MAOA: variants seen among roughly 807,000 people sequenced by gnomAD.
The protein encoded by MAOA is monoamine oxidase A.
A neutral mutation model predicts 42.0 loss-of-function variants in MAOA; 6 were observed. The ratio of observed to expected loss-of-function variants is 0.14; its 90% confidence interval spans 0.08 to 0.28. The LOEUF is 0.28. MAOA is among the 10% of genes least tolerant of loss of function. MAOA has a pLI of 1.00. For missense variants in MAOA, 262 were observed against 422.3 expected (o/e 0.62, Z 3.33); for synonymous variants, 140 against 154.0 (o/e 0.91, Z 0.67).
intron 1 of MAOA, among the ~76,000 whole-genome samples, chrX:43,665,955 G>GTGCTAGCAGTATTTAGAATC (rs2033273997): frequency 8.9e-6 from 1 of 112,246 alleles, no homozygotes; most frequent in Non-Finnish European, 1.9e-5. Context: ...ATCAGAGAAT[G>GTGCTAGCAGTATTTAGAATC]TGCTAGCAGT....
At chrX:43,701,925 T>C (rs777674123) in intron 3 of MAOA, among the ~76,000 whole-genome samples, 2 of 112,149 alleles carry the variant, frequency 1.8e-5, no homozygotes, top group East Asian at 5.6e-4. Context: ...TTCCTTCCTA[T>C]TTCTTCTCAG....
chrX:43,716,581 G>A (rs1205470337), intron 5 of MAOA, among the ~76,000 whole-genome samples: 1 of 110,324 alleles, frequency 9.1e-6, no homozygotes, highest in Non-Finnish European at 1.9e-5. Context: ...AGATAGGATA[G>A]TTGAATGACA....
intron 9 of MAOA, among the ~76,000 whole-genome samples, chrX:43,733,987 T>C (rs982666420): frequency 9.0e-5 from 10 of 111,684 alleles, no homozygotes; most frequent in African/African-American, 3.3e-4. Flanking sequence ...TCATCTTCTA[T>C]ATGCCAGAGA....
chrX:43,740,588 C>A, intron 10 of MAOA, 93 bp from the exon 11 acceptor site: 1 of 760,917 alleles, frequency 1.3e-6, no homozygotes, highest in Non-Finnish European at 1.8e-6. Context: ...CTGGTTGATA[C>A]CAAGAGCTCT....
chrX:43,723,894 T>G (rs1037827078), intron 5 of MAOA, among the ~76,000 whole-genome samples: 3 of 111,948 alleles, frequency 2.7e-5, no homozygotes, highest in Non-Finnish European at 3.8e-5. Flanking sequence ...CATGAAGGGC[T>G]GTTGAATTTT....
chrX:43,737,538 A>G (rs1431697358), intron 10 of MAOA, among the ~76,000 whole-genome samples: 7 of 111,892 alleles, frequency 6.3e-5, no homozygotes, highest in African/African-American at 9.7e-5. Flanking sequence ...CATGGCAGAA[A>G]AGGCAGAAGG....
intron 3 of MAOA, among the ~76,000 whole-genome samples, chrX:43,703,246 G>T (rs932870849): frequency 2.7e-5 from 3 of 111,241 alleles, no homozygotes; most frequent in African/African-American, 9.8e-5. Context: ...CAGACACTGT[G>T]ATACACAAGG....
chrX:43,711,712 A>G (rs761870964), intron 3 of MAOA, among the ~76,000 whole-genome samples, 160 bp from the exon 4 acceptor site: 17 of 112,281 alleles, frequency 1.5e-4, no homozygotes, highest in Non-Finnish European at 3.0e-4. Context: ...CTGTATAGGT[A>G]TAATGTATTC....
chrX:43,710,042 G>A (rs1244037398), intron 3 of MAOA, among the ~76,000 whole-genome samples: 1 of 112,327 alleles, frequency 8.9e-6, no homozygotes, highest in East Asian at 2.8e-4. Flanking sequence ...ATGAGCAAAG[G>A]CTTTGGGAGC....
intron 5 of MAOA, among the ~76,000 whole-genome samples, chrX:43,725,391 C>T (rs1361142764): frequency 8.9e-6 from 1 of 111,971 alleles, no homozygotes. Context: ...GTTAGCTCTT[C>T]TCGTTGCATT....
chrX:43,729,097 G>A (rs1394199455), intron 6 of MAOA, among the ~76,000 whole-genome samples: 1 of 112,355 alleles, frequency 8.9e-6, no homozygotes, highest in Non-Finnish European at 1.9e-5. Context: ...ACAAGGTATA[G>A]AGTCTTTCTC....
At chrX:43,703,617 A>G (rs1450048304) in intron 3 of MAOA, among the ~76,000 whole-genome samples, 2 of 112,015 alleles carry the variant, frequency 1.8e-5, no homozygotes, top group Non-Finnish European at 3.8e-5. Context: ...CCAGAATGTG[A>G]AGAATGCCTA....
intron 1 of MAOA, among the ~76,000 whole-genome samples, 186 bp downstream of exon 1, chrX:43,656,600 G>A (rs940893144): frequency 9.9e-5 from 11 of 111,151 alleles, no homozygotes; most frequent in African/African-American, 3.3e-4. Flanking sequence ...GTGTGACTGG[G>A]GGAGGCAGAC....
chrX:43,720,214 T>G (rs1284126062), intron 5 of MAOA, among the ~76,000 whole-genome samples: 1 of 108,791 alleles, frequency 9.2e-6, no homozygotes, highest in South Asian at 4.1e-4. Context: ...GTGGGTGGTG[T>G]TAGGGGATGG....
chrX:43,672,369 T>A (rs1423033958), intron 1 of MAOA, among the ~76,000 whole-genome samples: 4 of 110,981 alleles, frequency 3.6e-5, no homozygotes, highest in Non-Finnish European at 7.6e-5. Context: ...TTTCTAGATA[T>A]ACAATCATGT....
chrX:43,708,823 C>T (rs933292153), intron 3 of MAOA, among the ~76,000 whole-genome samples: 2 of 108,064 alleles, frequency 1.9e-5, no homozygotes, highest in Admixed American at 9.8e-5. Context: ...CCACCATGCC[C>T]GGCTGATTTT....
intron 1 of MAOA, among the ~76,000 whole-genome samples, chrX:43,666,764 C>G (rs2033282322): frequency 9.0e-6 from 1 of 111,135 alleles, no homozygotes; most frequent in African/African-American, 3.3e-5. Flanking sequence ...GTCACTTAGT[C>G]TCTTCTTACT....
chrX:43,725,190 C>T (rs1485595818), intron 5 of MAOA, among the ~76,000 whole-genome samples: 4 of 111,479 alleles, frequency 3.6e-5, no homozygotes, highest in Non-Finnish European at 5.7e-5. Context: ...CTGTTAGGTC[C>T]ACTTGGTCCA....
intron 3 of MAOA, among the ~76,000 whole-genome samples, chrX:43,702,949 A>G (rs2033634607): frequency 9.0e-6 from 1 of 111,604 alleles, no homozygotes; most frequent in Admixed American, 9.5e-5. Context: ...GTGGGTGACA[A>G]AAGTGGACCC....
Sources: gnomAD v4.1 joint callset for allele counts (sites outside exome capture counted in the v4.1 genomes callset) on GRCh38, gnomAD v4.1.1 for gene constraint, MANE v1.5 for transcripts, NCBI Gene and HGNC (gene_info 2026-07-23, HGNC 2026-07-21) for gene names.